Variants in EFCAB11 observed in about 807,000 individuals in gnomAD.
The protein encoded by EFCAB11 is EF-hand calcium-binding domain-containing protein 11.
A neutral mutation model predicts 23.0 loss-of-function variants in EFCAB11; 14 were observed. The observed-to-expected ratio is 0.61, with a 90% CI of 0.40 to 0.95. EFCAB11 has a LOEUF of 0.95. Ranked by LOEUF, EFCAB11 falls within the 40% of genes least tolerant of loss-of-function variation. The probability of loss-of-function intolerance (pLI) is 0.00; values close to 1 mark genes in which losing one functional copy is unlikely to be tolerated. For missense variants in EFCAB11, 198 were observed against 195.8 expected (o/e 1.01, Z -0.07); for synonymous variants, 65 against 66.6 (o/e 0.98, Z 0.11).
At chr14:89,841,603 G>A (rs886215631) in intron 5 of EFCAB11, among the ~76,000 whole-genome samples, 3 of 151,918 alleles carry the variant, frequency 2.0e-5, no homozygotes, top group Non-Finnish European at 4.4e-5. Context: ...GTACTTCTTG[G>A]CAGTACTTGT....
chr14:89,800,151 A>G (rs1275275024), intron 5 of EFCAB11, among the ~76,000 whole-genome samples: 2 of 152,022 alleles, frequency 1.3e-5, no homozygotes. Context: ...GGGCCACTGC[A>G]CTCCAGCCTG....
intron 5 of EFCAB11, among the ~76,000 whole-genome samples, chr14:89,882,411 T>C (rs1179854319): frequency 2.6e-5 from 4 of 152,200 alleles, no homozygotes; most frequent in African/African-American, 9.6e-5. Context: ...GGACAAAGAA[T>C]GCACTGCCCT....
chr14:89,831,901 C>G (rs1183240889), intron 5 of EFCAB11, among the ~76,000 whole-genome samples: 2 of 152,112 alleles, frequency 1.3e-5, no homozygotes, highest in African/African-American at 4.8e-5. Flanking sequence ...CAGCTTTTAT[C>G]TGAGGCAGCA....
chr14:89,844,806 C>T (rs1170134990), intron 5 of EFCAB11, among the ~76,000 whole-genome samples: 1 of 152,202 alleles, frequency 6.6e-6, no homozygotes, highest in Non-Finnish European at 1.5e-5. Context: ...CCTTCTGGGA[C>T]TTGGCTTTGG....
chr14:89,851,560 T>C (rs1354547531), intron 5 of EFCAB11, among the ~76,000 whole-genome samples: 1 of 152,222 alleles, frequency 6.6e-6, no homozygotes, highest in Non-Finnish European at 1.5e-5. Context: ...CTTTGTGCTA[T>C]ATTTATGGTC....
intron 1 of EFCAB11, 42 bp from the exon 2 acceptor site, chr14:89,954,043 G>C (rs1232535472): frequency 6.5e-7 from 1 of 1,546,266 alleles, no homozygotes; most frequent in African/African-American, 1.4e-5. Flanking sequence ...GACAGAAATG[G>C]TTTATTTTTA....
intron 5 of EFCAB11, among the ~76,000 whole-genome samples, chr14:89,858,557 A>G (rs2140147349): frequency 6.6e-6 from 1 of 151,898 alleles, no homozygotes; most frequent in East Asian, 1.9e-4. Flanking sequence ...TGGCGTGATC[A>G]TGGCTCACTG....
At chr14:89,946,460 G>A (rs148567793) in intron 3 of EFCAB11, among the ~76,000 whole-genome samples, 36 of 152,242 alleles carry the variant, frequency 2.4e-4, no homozygotes, top group African/African-American at 7.9e-4. Flanking sequence ...TGGGGCTGTT[G>A]AGATCATTTA....
At chr14:89,906,213 A>T (rs993599150) in intron 5 of EFCAB11, among the ~76,000 whole-genome samples, 20 of 148,220 alleles carry the variant, frequency 1.3e-4, no homozygotes, top group Admixed American at 2.7e-4. Flanking sequence ...ATAAATAAAT[A>T]AATAAATTAA....
At chr14:89,805,381 C>T (rs907634071) in intron 5 of EFCAB11, among the ~76,000 whole-genome samples, 5 of 152,190 alleles carry the variant, frequency 3.3e-5, no homozygotes, top group African/African-American at 1.2e-4. Context: ...GTCATTCCTC[C>T]CCTGGCTACT....
rs557914587 is a variant in EFCAB11, at chr14:89,913,788, T to C, written c.410+17753A>G. 2.2e-3 allele frequency among the ~76,000 whole-genome samples: 329 copies of C among 152,292 alleles called. 1 individual carries two copies. The highest frequency in any genetic ancestry group is 7.5e-3 in the African/African-American group (313 of 41,576). ...GAGTTTTTCAAAGTTAAAATTTTTT[T>C]TACAGTCTTATAACTTTGTAAAATA... is the stretch of plus-strand genomic sequence containing the variant. On this transcript the variant is annotated intron_variant, in intron 5 of 5. Transcript: ENST00000316738.
At chr14:89,948,420 T>C (rs1295626315) in intron 3 of EFCAB11, among the ~76,000 whole-genome samples, 1 of 152,232 alleles carries the variant, frequency 6.6e-6, no homozygotes, top group Non-Finnish European at 1.5e-5. Flanking sequence ...TGGAGAACCA[T>C]TTGGAGGTTC....
chr14:89,883,385 A>C (rs529043906), intron 5 of EFCAB11, among the ~76,000 whole-genome samples: 17 of 152,296 alleles, frequency 1.1e-4, no homozygotes, highest in Admixed American at 6.5e-4. Context: ...GGTATCCATG[A>C]AGGACTGGTT....
At chr14:89,854,667 G>C (rs1013934298) in intron 5 of EFCAB11, among the ~76,000 whole-genome samples, 5 of 151,958 alleles carry the variant, frequency 3.3e-5, no homozygotes, top group Non-Finnish European at 7.4e-5. Context: ...TTAAATACTT[G>C]AATACACAGC....
At chr14:89,845,110 G>A (rs1405394155) in intron 5 of EFCAB11, among the ~76,000 whole-genome samples, 2 of 152,178 alleles carry the variant, frequency 1.3e-5, no homozygotes, top group African/African-American at 2.4e-5. Flanking sequence ...GCAAATAGGG[G>A]TTAAAAAGTC....
chr14:89,802,500 T>A (rs572848892), intron 5 of EFCAB11, among the ~76,000 whole-genome samples: 25 of 152,210 alleles, frequency 1.6e-4, no homozygotes, highest in Non-Finnish European at 3.4e-4. Context: ...CAAGTGATTC[T>A]CCTGCCTCAG....
chr14:89,930,656 C>A (rs1175564627), intron 5 of EFCAB11, among the ~76,000 whole-genome samples: 1 of 152,206 alleles, frequency 6.6e-6, no homozygotes, highest in Non-Finnish European at 1.5e-5. Flanking sequence ...GAGGGAGAAG[C>A]CAGGTGTTGA....
intron 3 of EFCAB11, among the ~76,000 whole-genome samples, chr14:89,934,930 A>C (rs1890526924): frequency 6.6e-6 from 1 of 152,158 alleles, no homozygotes; most frequent in African/African-American, 2.4e-5. Context: ...CCACCTCTCA[A>C]GGCTTCCTAG....
At position 89,903,167 on chromosome 14, in the gene EFCAB11, A is replaced by T. The variant is rs1202175040; in HGVS notation, c.410+28374T>A. On this transcript the variant is annotated intron_variant, in intron 5 of 5. Transcript: ENST00000316738. Reference sequence around the variant, plus strand: ...TACTGAATACACATTTAAAACAGAAAGCTACCCCTTACAAAACAAATTCAA... The same window carrying T: ...TACTGAATACACATTTAAAACAGAATGCTACCCCTTACAAAACAAATTCAA... Among the ~76,000 whole-genome samples, 7 of 152,360 alleles carry T rather than the reference A, an allele frequency of 4.6e-5. No individual in the cohort carries two copies. The East Asian group carries it at 1.3e-3, about 29-fold the overall frequency.
Sources: allele counts gnomAD v4.1 joint callset (sites outside exome capture counted in the v4.1 genomes callset), GRCh38; gene constraint gnomAD v4.1.1; transcripts MANE v1.5; gene names NCBI Gene and HGNC (gene_info 2026-07-23, HGNC 2026-07-21).